The following MCTP1 variants were observed in gnomAD, a reference collection of about 807,000 sequenced individuals.
MCTP1 encodes multiple C2 and transmembrane domain containing 1, also known as multiple C2 and transmembrane domain-containing protein 1.
Under a neutral mutation model 120.6 loss-of-function variants are expected in MCTP1, and 69 were observed. That is an observed-to-expected ratio of 0.57 (90% confidence interval 0.47 to 0.70). The LOEUF is 0.70. Among genes scored for constraint, MCTP1 ranks in the 30% least tolerant of loss-of-function variants. MCTP1 has a pLI of 0.00. For missense variants in MCTP1, 1,203 were observed against 1,248.8 expected (o/e 0.96, Z 0.55); for synonymous variants, 529 against 493.1 (o/e 1.07, Z -0.96).
intron 1 of MCTP1, among the ~76,000 whole-genome samples, chr5:95,051,475 G>A (rs1745878925): frequency 6.6e-6 from 1 of 152,030 alleles, no homozygotes; most frequent in Admixed American, 6.6e-5. Flanking sequence ...CACCTACCAG[G>A]GGAACACTCT....
At chr5:95,264,425 AAC>A (rs1371799958) in intron 1 of MCTP1, among the ~76,000 whole-genome samples, 1 of 152,322 alleles carries the variant, frequency 6.6e-6, no homozygotes, top group Middle Eastern at 3.4e-3. Flanking sequence ...AACACAGAAA[AAC>A]AGTCTCCCTC....
At chr5:94,828,942 G>C (rs995522412) in intron 17 of MCTP1, among the ~76,000 whole-genome samples, 1 of 152,132 alleles carries the variant, frequency 6.6e-6, no homozygotes, top group African/African-American at 2.4e-5. Context: ...CTTTCCAGGG[G>C]AGTAAACAGT....
chr5:94,781,526 C>T (rs1470392269), intron 18 of MCTP1, among the ~76,000 whole-genome samples: 1 of 152,100 alleles, frequency 6.6e-6, no homozygotes, highest in Non-Finnish European at 1.5e-5. Context: ...TTTATAAAAG[C>T]AAATATTCAA....
At chr5:94,924,798 C>T (rs173576) in intron 6 of MCTP1, among the ~76,000 whole-genome samples, 117,419 of 152,136 alleles carry the variant, frequency 0.77, 45,381 homozygotes, top group East Asian at 0.85. Flanking sequence ...TGATGACAGT[C>T]ATGGGAAAGC....
At chr5:95,000,188 G>T (rs1833400358) in intron 2 of MCTP1, among the ~76,000 whole-genome samples, 1 of 152,132 alleles carries the variant, frequency 6.6e-6, no homozygotes. Context: ...GTGGCAAACT[G>T]ATGTAAAGCT....
At chr5:95,162,503 A>T (rs1209811265) in intron 1 of MCTP1, among the ~76,000 whole-genome samples, 1 of 152,184 alleles carries the variant, frequency 6.6e-6, no homozygotes, top group Non-Finnish European at 1.5e-5. Context: ...GAAGTTACCA[A>T]ACCTGTAGCT....
intron 17 of MCTP1, among the ~76,000 whole-genome samples, chr5:94,837,763 T>C (rs966283239): frequency 6.6e-6 from 1 of 152,176 alleles, no homozygotes; most frequent in African/African-American, 2.4e-5. Context: ...ACGGGGGCGC[T>C]GGTTAATTGA....
chr5:94,756,146 C>G (rs2152826010), intron 19 of MCTP1, among the ~76,000 whole-genome samples: 1 of 152,296 alleles, frequency 6.6e-6, no homozygotes, highest in African/African-American at 2.4e-5. Flanking sequence ...AATATACAGT[C>G]ATTTAATCCC....
intron 17 of MCTP1, chr5:94,867,261 G>T: frequency 6.7e-7 from 1 of 1,501,340 alleles, no homozygotes; most frequent in Non-Finnish European, 8.9e-7. Flanking sequence ...GCTTTCTTTA[G>T]GGAGACAACA....
In MCTP1 at chr5:95,103,538, TA is replaced by T; in HGVS notation, c.721-86055del. ...TAAAGCAAAGAGTTTGGAGTTTATCTAAAAGTCAGTGAGGAGCCATTGCTAC... is the reference window on the plus strand; with the variant it reads ...TAAAGCAAAGAGTTTGGAGTTTATCTAAAGTCAGTGAGGAGCCATTGCTAC... On this transcript the variant is annotated intron_variant, in intron 1 of 22. Coordinates refer to ENST00000515393, the MANE Select transcript of MCTP1 (RefSeq NM_024717.7). 3.3e-5 allele frequency among the ~76,000 whole-genome samples: 5 copies of T among 152,320 alleles called. No individual in the cohort carries two copies. In the South Asian group the frequency reaches 1.0e-3, roughly 32 times the overall value.
intron 19 of MCTP1, among the ~76,000 whole-genome samples, chr5:94,728,672 T>C (rs2152688321): frequency 6.6e-6 from 1 of 152,316 alleles, no homozygotes; most frequent in African/African-American, 2.4e-5. Flanking sequence ...GGCATGCTAA[T>C]AGATACTATA....
chr5:95,244,004 C>A (rs566695843), intron 1 of MCTP1, among the ~76,000 whole-genome samples: 11 of 152,324 alleles, frequency 7.2e-5, no homozygotes, highest in African/African-American at 2.6e-4. Context: ...TCTAGAAAAT[C>A]ATCTCTAGGA....
chr5:95,259,145 T>C (rs796530561), intron 1 of MCTP1, among the ~76,000 whole-genome samples: 5 of 152,152 alleles, frequency 3.3e-5, no homozygotes, highest in Admixed American at 2.6e-4. Flanking sequence ...ACAGTCAATG[T>C]TGACTACGCG....
chr5:95,123,671 A>G (rs899899842), intron 1 of MCTP1, among the ~76,000 whole-genome samples: 4 of 142,410 alleles, frequency 2.8e-5, no homozygotes, highest in African/African-American at 1.1e-4. Context: ...TTTTTTTGAG[A>G]TGGAGTCTCG....
intron 1 of MCTP1, among the ~76,000 whole-genome samples, chr5:95,161,478 G>C (rs897552549): frequency 6.6e-6 from 1 of 152,072 alleles, no homozygotes; most frequent in Non-Finnish European, 1.5e-5. Flanking sequence ...GTTGATCAAA[G>C]GGTGCAAAGT....
chr5:94,831,237 C>G (rs1788449659), intron 17 of MCTP1, among the ~76,000 whole-genome samples: 1 of 152,170 alleles, frequency 6.6e-6, no homozygotes, highest in Admixed American at 6.5e-5. Flanking sequence ...TCAGACTGCT[C>G]TATGACTACA....
At chr5:95,059,741 A>G (rs1185783463) in intron 1 of MCTP1, among the ~76,000 whole-genome samples, 1 of 152,200 alleles carries the variant, frequency 6.6e-6, no homozygotes, top group African/African-American at 2.4e-5. Context: ...GAGAAGAAAA[A>G]GAAAATGTGC....
rs1341890634 is a variant in MCTP1, at chr5:94,967,188, G to T, written c.839-13827C>A. ...AGAAACATTTTTTCTCAACCACTGT[G>T]TAGGTTAAGTGTCAAAATCCCCTGA... On this transcript the variant is annotated intron_variant, in intron 2 of 22. Transcript: ENST00000515393. Among the ~76,000 whole-genome samples the T allele has an allele frequency of 4.6e-5, 7 of 152,174 alleles. No individual in the cohort carries two copies. The East Asian group carries it at 1.3e-3, about 29-fold the overall frequency.
intron 20 of MCTP1, among the ~76,000 whole-genome samples, chr5:94,714,317 T>C (rs150020862): frequency 1.6e-3 from 238 of 152,232 alleles, no homozygotes; most frequent in African/African-American, 5.4e-3. Context: ...TTGAAAAAAA[T>C]ATTTTTGCAG....
Sources: gnomAD v4.1 joint callset for allele counts (sites outside exome capture counted in the v4.1 genomes callset) on GRCh38, gnomAD v4.1.1 for gene constraint, MANE v1.5 for transcripts, NCBI Gene and HGNC (gene_info 2026-07-23, HGNC 2026-07-21) for gene names.